Variants in APBA2 observed in about 807,000 individuals in gnomAD.
APBA2 encodes the protein amyloid-beta A4 precursor protein-binding family A member 2.
APBA2 carries 30 observed loss-of-function variants against 75.0 expected under a neutral mutation model. The ratio of observed to expected loss-of-function variants is 0.40; its 90% CI spans 0.30 to 0.54. The LOEUF (loss-of-function observed/expected upper bound fraction) is 0.54, where lower values mean the gene tolerates loss of function less well. Ranked by LOEUF, APBA2 falls within the 20% of genes least tolerant of loss-of-function variation. The pLI is 0.49. For missense variants in APBA2, 801 were observed against 1,016.1 expected (o/e 0.79, Z 2.88); for synonymous variants, 444 against 409.6 (o/e 1.08, Z -1.01).
chr15:28,964,308 T>C (rs2036623544), intron 2 of APBA2, among the ~76,000 whole-genome samples: 1 of 152,232 alleles, frequency 6.6e-6, no homozygotes, highest in South Asian at 2.1e-4. Flanking sequence ...TCCACATCCT[T>C]GCCAGCATTT....
At chr15:29,037,134 A>G (rs1300769544) in intron 3 of APBA2, among the ~76,000 whole-genome samples, 1 of 152,224 alleles carries the variant, frequency 6.6e-6, no homozygotes, top group Admixed American at 6.5e-5. Flanking sequence ...CTACTTAAAG[A>G]CATCTTTTGG....
At chr15:28,898,179 A>G (rs1182108241) in intron 1 of APBA2, among the ~76,000 whole-genome samples, 2 of 152,228 alleles carry the variant, frequency 1.3e-5, no homozygotes, top group Admixed American at 6.5e-5. Context: ...GTAGACTTCT[A>G]GCCTCCAGAA....
intron 1 of APBA2, among the ~76,000 whole-genome samples, chr15:28,906,385 G>A (rs756316500): frequency 2.0e-5 from 3 of 152,200 alleles, no homozygotes; most frequent in Non-Finnish European, 4.4e-5. Context: ...ATATGTGACC[G>A]TTTACTTATT....
intron 14 of APBA2, among the ~76,000 whole-genome samples, chr15:29,116,499 G>A (rs894375476): frequency 2.6e-5 from 4 of 151,808 alleles, no homozygotes; most frequent in Non-Finnish European, 5.9e-5. Context: ...GTGGTGGCGG[G>A]CACCTGTAAT....
chr15:28,925,955 T>C (rs541511447), intron 2 of APBA2, among the ~76,000 whole-genome samples: 1 of 152,316 alleles, frequency 6.6e-6, no homozygotes, highest in East Asian at 1.9e-4. Context: ...TAATTTTCCT[T>C]GGTTGGTAGT....
chr15:28,924,070 C>T (rs1322420978), intron 2 of APBA2, among the ~76,000 whole-genome samples: 1 of 152,200 alleles, frequency 6.6e-6, no homozygotes, highest in Non-Finnish European at 1.5e-5. Flanking sequence ...CCCCCTGCCC[C>T]GTTGCCCTGC....
At chr15:29,087,838 G>A (rs1225348079) in intron 6 of APBA2, among the ~76,000 whole-genome samples, 1 of 152,114 alleles carries the variant, frequency 6.6e-6, no homozygotes, top group African/African-American at 2.4e-5. Flanking sequence ...TAGAGCTGCA[G>A]CCCCTCCTCC....
chr15:28,982,918 A>G (rs2037702732), intron 2 of APBA2, among the ~76,000 whole-genome samples: 1 of 152,242 alleles, frequency 6.6e-6, no homozygotes, highest in Admixed American at 6.5e-5. Flanking sequence ...AGTGATGTCT[A>G]TGTAGAAATG....
In APBA2 at chr15:28,924,641, C is replaced by G. The variant is rs1052760224; in HGVS notation, c.-95+2892C>G. On this transcript the variant is annotated intron_variant, in intron 2 of 14. Transcript: ENST00000683413. ...ACAATATTGCATTCTGCAGATACAC[C>G]ACATTTGTTTGTGCCTTCATTTGAT... 6.3e-4 allele frequency among the ~76,000 whole-genome samples: 96 copies of G among 152,178 alleles called. 1 individual carries two copies. Among genetic ancestry groups the G allele is most frequent in the African/African-American group, 2.2e-3 (93 of 41,432 alleles).
At position 29,045,068 on chromosome 15, in the gene APBA2, C is replaced by CTTCTCTCTCTCTCTCTCTCTCT. The variant is rs1555399862; in HGVS notation, c.-40-8776_-40-8755dup. Among the ~76,000 whole-genome samples the CTTCTCTCTCTCTCTCTCTCTCT allele has an allele frequency of 2.8e-3, 269 of 96,622 alleles. 4 individuals carry two copies. The highest frequency in any genetic ancestry group is 0.019 in the African/African-American group (254 of 13,246). The allele number at this position is 96,622 out of a possible 152,430, so 63.4% of individuals were successfully genotyped here. A position where few individuals can be genotyped will look rare whatever the true frequency, so the allele number is the denominator to read the frequency against. On this transcript the variant is annotated intron_variant, in intron 3 of 14. Coordinates refer to ENST00000683413, the MANE Select transcript of APBA2 (RefSeq NM_001353788.2). ...TCCTTCCTCTCTCCCTCCCTCCCTC[C>CTTCTCTCTCTCTCTCTCTCTCT]TTCTCTCTCTCTCTCTCTCTCTCTC...
At chr15:29,034,147 A>G (rs1457495412) in intron 3 of APBA2, among the ~76,000 whole-genome samples, 1 of 152,044 alleles carries the variant, frequency 6.6e-6, no homozygotes, top group Non-Finnish European at 1.5e-5. Context: ...TAGAGTTTTT[A>G]TTTGGGATTC....
At position 28,991,821 on chromosome 15, in the gene APBA2, G is replaced by A. The variant is rs769410488; in HGVS notation, c.-94-3932G>A. 6.6e-6 allele frequency among the ~76,000 whole-genome samples: 1 copy of A among 152,152 alleles called. No homozygotes were observed. The highest frequency in any genetic ancestry group is 2.1e-4 in the South Asian group (1 of 4,824). On this transcript the variant is annotated intron_variant, in intron 2 of 14. Coordinates refer to ENST00000683413, the MANE Select transcript of APBA2 (RefSeq NM_001353788.2). This position sits in a 1 kb window ranked among gnomAD's most constrained non-coding sequence, Gnocchi z 4.7. ...TGTCAACAAGTATGTCACTGCCTTC[G>A]GGTTATTATTGTTCACCAGATTCCA...
At chr15:28,888,840 G>GGGAAC (rs2152600455) in intron 1 of APBA2, among the ~76,000 whole-genome samples, 1 of 152,288 alleles carries the variant, frequency 6.6e-6, no homozygotes, top group South Asian at 2.1e-4. Context: ...TGTGAGGACT[G>GGGAAC]GGAACGTGGA....
At chr15:28,970,176 G>A (rs956775660) in intron 2 of APBA2, 5 of 152,082 alleles carry the variant, frequency 3.3e-5, no homozygotes, top group African/African-American at 1.2e-4. Flanking sequence ...GGTTCTGAAA[G>A]GAATACAGAG....
intron 1 of APBA2, among the ~76,000 whole-genome samples, chr15:28,888,919 ATGGTTG>A (rs2031941798): frequency 1.3e-5 from 2 of 152,166 alleles, no homozygotes; most frequent in African/African-American, 2.4e-5. Flanking sequence ...CAAGTTTGAG[ATGGTTG>A]CTCACCAGGA....
At position 29,093,123 on chromosome 15, in the gene APBA2, C is replaced by G; in HGVS notation, c.1118C>G (p.Ala373Gly). ...GACCTCATCGACGGGATCATCTTTG[C>G]TGCCAATTACCTGGGGTCCACCCAG... Reference protein sequence around the residue: ...PEDLIDGIIFAANYLGSTQLL... With the variant: ...PEDLIDGIIFGANYLGSTQLL... The change falls in exon 7 of 15, where the codon GCT (alanine) becomes GGT (glycine). Residue 373 changes from alanine (A) to glycine (G), a missense_variant. Transcript: ENST00000683413. 3 of 1,614,274 alleles carry G rather than the reference C, an allele frequency of 1.9e-6. No individual in the cohort carries two copies. The highest frequency in any genetic ancestry group is 2.5e-6 in the Non-Finnish European group (3 of 1,180,050).
chr15:28,975,663 A>G (rs568484358), intron 2 of APBA2, among the ~76,000 whole-genome samples: 1 of 152,348 alleles, frequency 6.6e-6, no homozygotes, highest in East Asian at 1.9e-4. Flanking sequence ...AAAACAAAAC[A>G]AAACTGCTTT....
intron 1 of APBA2, among the ~76,000 whole-genome samples, chr15:28,903,319 C>T (rs535261777): frequency 2.6e-5 from 4 of 152,272 alleles, no homozygotes; most frequent in East Asian, 3.9e-4. Flanking sequence ...GTTGTAAGTG[C>T]GGTTGACCGT....
At position 29,046,106 on chromosome 15, in the gene APBA2, G is replaced by GA. The variant is rs1395026213; in HGVS notation, c.-40-7734dup. ...TCCTTCAGGCACTAAAGGGCTTCCT[G>GA]AAAAAGTTGCTTACACATTGAGGTG... On this transcript the variant is annotated intron_variant, in intron 3 of 14. Transcript: ENST00000683413. The surrounding 1 kb of genome is among the most constrained non-coding windows in gnomAD (Gnocchi z 5.0). Among the ~76,000 whole-genome samples the GA allele has an allele frequency of 6.6e-6, 1 of 152,146 alleles. No homozygotes were observed. The highest frequency in any genetic ancestry group is 1.5e-5 in the Non-Finnish European group (1 of 68,026).
Sources: allele counts gnomAD v4.1 joint callset (sites outside exome capture counted in the v4.1 genomes callset), GRCh38; gene constraint gnomAD v4.1.1; non-coding constraint Gnocchi (gnomAD v3.1); transcripts MANE v1.5; gene names NCBI Gene and HGNC (gene_info 2026-07-23, HGNC 2026-07-21).